The following RUFY1 variants were observed in gnomAD, a reference collection of about 807,000 sequenced individuals.
RUFY1 encodes RUN and FYVE domain-containing protein 1.
Under a neutral mutation model 94.6 loss-of-function variants are expected in RUFY1, and 54 were observed. That is an observed-to-expected ratio of 0.57 (90% CI 0.46 to 0.72). The LOEUF (loss-of-function observed/expected upper bound fraction) is 0.72. RUFY1 is among the 30% of genes least tolerant of loss of function. The pLI is 0.00. For missense variants in RUFY1, 883 were observed against 883.9 expected, an observed-to-expected ratio of 1.00 and a Z score of 0.01; for synonymous variants, 396 against 347.3, an observed-to-expected ratio of 1.14 and a Z score of -1.56.
chr5:179,606,464 T>C (rs67772277), intron 16 of RUFY1: 18,186 of 159,370 alleles, frequency 0.11, 1,222 homozygotes, highest in African/African-American at 0.19. Flanking sequence ...GGGCGGAGAG[T>C]GTGGGAGAGG....
chr5:179,605,740 A>G lies in RUFY1; in HGVS notation c.1857-136A>G, dbSNP rs997477442. 8 of 717,784 alleles carry G rather than the reference A, an allele frequency of 1.1e-5. No individual in the cohort carries two copies. The African/African-American group carries it at 1.2e-4, about 11-fold the overall frequency. 44.5% of individuals were successfully genotyped at this position (717,784 alleles called of 1,614,324 possible). ...CTGGGATTGTACAGAGGCGGAAGGC[A>G]TTTTAACAACTCACGTTCTGGGTCT... On this transcript the variant is annotated intron_variant, in intron 15 of 17. Transcript: ENST00000319449.
intron 4 of RUFY1, 132 bp downstream of exon 4, chr5:179,567,694 G>A (rs78752691): frequency 0.1 from 60,090 of 597,220 alleles, 3,251 homozygotes; most frequent in Middle Eastern, 0.13. Flanking sequence ...GAGGTCCGGA[G>A]TTCAAGACCA....
At chr5:179,608,216 C>G (rs1158137288) in intron 17 of RUFY1, 3 of 865,566 alleles carry the variant, frequency 3.5e-6, no homozygotes, top group Admixed American at 6.0e-5. Flanking sequence ...AAACTGGGAG[C>G]TAAAGGAAAC....
rs1038809598 is a variant in RUFY1, at chr5:179,567,392, T to C, written c.603-69T>C. 19 of 1,144,802 alleles carry C rather than the reference T, an allele frequency of 1.7e-5. No homozygotes were observed. The African/African-American group carries it at 2.3e-4, about 14-fold the overall frequency. 70.9% of individuals were successfully genotyped at this position (1,144,802 alleles called of 1,614,324 possible). ...TGTGTTTCCTATGTGTCTCCCTGGC[T>C]AAATCAGGTGTCTTTTCTGTGTTTG... On this transcript the variant is annotated intron_variant, in intron 3 of 17. Coordinates refer to ENST00000319449, the MANE Select transcript of RUFY1 (RefSeq NM_025158.5).
chr5:179,589,723 TAAC>T (rs1447765893), intron 9 of RUFY1, 76 bp downstream of exon 9: 18 of 1,123,932 alleles, frequency 1.6e-5, no homozygotes, highest in South Asian at 2.5e-5. Context: ...GCTCATGGCT[TAAC>T]AACAACCCAG....
rs1761788224 is a variant in RUFY1, at chr5:179,550,787, C to T, written c.218C>T (p.Ala73Val). 7.4e-7 allele frequency: 1 copy of T among 1,354,434 alleles called. No individual in the cohort carries two copies. Among genetic ancestry groups the T allele is most frequent in the Admixed American group, 3.0e-5 (1 of 33,040 alleles). The allele number at this position is 1,354,434 out of a possible 1,614,324, so 83.9% of individuals were successfully genotyped here. ...CCCATCCTGACCCTGGCACGCAGGGCCACCGGGAACCTGTCGGCGAGCTGC... is the reference window on the plus strand; with the variant it reads ...CCCATCCTGACCCTGGCACGCAGGGTCACCGGGAACCTGTCGGCGAGCTGC... ...SAPILTLARR[A>V]TGNLSASCGS... The change falls in exon 1 of 18, where the codon GCC (alanine) becomes GTC (valine). Residue 73 changes from alanine (A) to valine (V), a missense_variant. Physicochemically the swap from Ala to Val is moderately conservative, Grantham distance 64. Transcript: ENST00000319449.
At chr5:179,599,466 T>A (rs1408835951) in intron 14 of RUFY1, 1 of 152,460 alleles carries the variant, frequency 6.6e-6, no homozygotes, top group Non-Finnish European at 1.5e-5. Context: ...ACCCCAGCCC[T>A]CCACTTCCCC....
At chr5:179,572,885 T>C (rs554972121) in intron 5 of RUFY1, 7 of 152,370 alleles carry the variant, frequency 4.6e-5, no homozygotes, top group Admixed American at 2.6e-4. Flanking sequence ...GGTAATTTTT[T>C]ACACACTTTA....
chr5:179,600,800 G>A (rs1458016858), intron 14 of RUFY1, among the ~76,000 whole-genome samples: 1 of 138,054 alleles, frequency 7.2e-6, no homozygotes, highest in Non-Finnish European at 1.5e-5. Context: ...CAGTTCAAGC[G>A]ATTCTCCTGC....
intron 5 of RUFY1, chr5:179,572,365 G>C (rs1370644904): frequency 5.0e-6 from 1 of 199,720 alleles, no homozygotes; most frequent in Non-Finnish European, 1.1e-5. Context: ...GCTGGGCTGC[G>C]AAGTGCTGGG....
chr5:179,604,655 A>C (rs1766855658), intron 15 of RUFY1, among the ~76,000 whole-genome samples: 1 of 152,140 alleles, frequency 6.6e-6, no homozygotes, highest in African/African-American at 2.4e-5. Context: ...GTCTAATCTG[A>C]TGATAGTTCA....
chr5:179,562,268 C>T (rs1043482045), intron 2 of RUFY1, among the ~76,000 whole-genome samples: 6 of 151,870 alleles, frequency 4.0e-5, no homozygotes, highest in African/African-American at 7.3e-5. Flanking sequence ...AAAATTAGCC[C>T]GGCGTTGTGG....
intron 6 of RUFY1, among the ~76,000 whole-genome samples, chr5:179,579,610 G>A (rs149622211): frequency 0.011 from 1,550 of 147,374 alleles, 14 homozygotes; most frequent in Non-Finnish European, 0.016. Context: ...GGGATTACAG[G>A]CATGAGCCAC....
chr5:179,577,075 G>T lies in RUFY1; in HGVS notation c.829G>T (p.Val277Phe), dbSNP rs745430855. 7 of 1,581,308 alleles carry T rather than the reference G, an allele frequency of 4.4e-6. No individual in the cohort carries two copies. The Admixed American group carries it at 1.2e-4, about 27-fold the overall frequency. Residue 277 changes from valine (V) to phenylalanine (F), a missense_variant and splice_region_variant, in exon 6 of 18, where the codon GTT becomes TTT. Physicochemically the swap from Val to Phe is conservative, Grantham distance 50. Coordinates refer to ENST00000319449, the MANE Select transcript of RUFY1 (RefSeq NM_025158.5). ...AACTTGTGCATTTTATTTCGTTTAG[G>T]TTGGAGTAATAGATTTTTCCCTCTA... ...CLKGEDLDSQ[V>F]GVIDFSLYLK...
At chr5:179,570,126 C>T (rs918099908) in intron 5 of RUFY1, among the ~76,000 whole-genome samples, 2 of 152,098 alleles carry the variant, frequency 1.3e-5, no homozygotes, top group African/African-American at 4.8e-5. Context: ...GATCCACCCG[C>T]CTCGGCCTCC....
intron 4 of RUFY1, among the ~76,000 whole-genome samples, chr5:179,568,390 G>A (rs1318137869): frequency 1.3e-5 from 2 of 152,324 alleles, no homozygotes; most frequent in South Asian, 2.1e-4. Flanking sequence ...TCTTTCCAGA[G>A]TTAAAGCTTT....
chr5:179,577,612 C>T (rs1243256641), intron 6 of RUFY1, among the ~76,000 whole-genome samples: 2 of 122,690 alleles, frequency 1.6e-5, no homozygotes. Context: ...TGGGGAGTTT[C>T]GGCCGAAAGA....
Position 179,609,469 on chromosome 5 carries a change from G to A in RUFY1, c.2077G>A (p.Asp693Asn), listed in dbSNP as rs771669553. 24 of 1,610,724 alleles carry A rather than the reference G, an allele frequency of 1.5e-5. No individual in the cohort carries two copies. The highest frequency in any genetic ancestry group is 2.2e-5 in the East Asian group (1 of 44,850). ...CTACCCCAAGCCGGTGCGAGTGTGC[G>A]ACAGCTGCCACACCCTGCTCCTGCA... ...PSYPKPVRVC[D>N]SCHTLLLQRC... The change falls in exon 18 of 18, where the codon GAC becomes AAC. Residue 693 changes from aspartate to asparagine, a missense_variant. Physicochemically the swap from Asp to Asn is conservative, Grantham distance 23. Transcript: ENST00000319449.
chr5:179,594,071 G>A (rs772129388), intron 11 of RUFY1, among the ~76,000 whole-genome samples: 5 of 151,688 alleles, frequency 3.3e-5, no homozygotes, highest in South Asian at 2.1e-4. Flanking sequence ...TTGGGAGGCC[G>A]AGCGGGCAGA....
Sources: allele counts gnomAD v4.1 joint callset (sites outside exome capture counted in the v4.1 genomes callset), GRCh38; gene constraint gnomAD v4.1.1; transcripts MANE v1.5; gene names NCBI Gene and HGNC (gene_info 2026-07-23, HGNC 2026-07-21).